Variants in DLG1 observed in about 807,000 individuals in gnomAD.
The protein encoded by DLG1 is discs large MAGUK scaffold protein 1.
Under a neutral mutation model 123.4 loss-of-function variants are expected in DLG1, and 42 were observed. The observed-to-expected ratio is 0.34, with a 90% CI of 0.27 to 0.44. DLG1 has a LOEUF of 0.44. Ranked by LOEUF, DLG1 falls within the 20% of genes least tolerant of loss-of-function variation. DLG1 has a pLI of 1.00. For missense variants in DLG1, 942 were observed against 1,082.6 expected (o/e 0.87, Z 1.82); for synonymous variants, 317 against 356.2 (o/e 0.89, Z 1.24).
At chr3:197,053,879 G>A (rs1729731391) in intron 23 of DLG1, among the ~76,000 whole-genome samples, 1 of 151,856 alleles carries the variant, frequency 6.6e-6, no homozygotes, top group Non-Finnish European at 1.5e-5. Flanking sequence ...GATCACTTGA[G>A]CTCAGAGTTC....
intron 5 of DLG1, among the ~76,000 whole-genome samples, chr3:197,164,670 G>C (rs1221470351): frequency 2.0e-5 from 3 of 151,386 alleles, no homozygotes; most frequent in African/African-American, 7.3e-5. Flanking sequence ...CGGAGGACGC[G>C]GCAGGCAGAT....
chr3:197,274,853 T>C (rs532259859), intron 4 of DLG1, among the ~76,000 whole-genome samples: 4 of 152,150 alleles, frequency 2.6e-5, no homozygotes, highest in Non-Finnish European at 5.9e-5. Context: ...TATGAAAAAA[T>C]GTTCAACATT....
intron 4 of DLG1, among the ~76,000 whole-genome samples, chr3:197,276,479 C>A (rs1258694531): frequency 6.6e-6 from 1 of 152,186 alleles, no homozygotes; most frequent in Admixed American, 6.5e-5. Flanking sequence ...TCCTTGCTGT[C>A]AATGTAATTT....
At chr3:197,261,886 T>C (rs1759599135) in intron 4 of DLG1, among the ~76,000 whole-genome samples, 1 of 152,200 alleles carries the variant, frequency 6.6e-6, no homozygotes, top group Non-Finnish European at 1.5e-5. Flanking sequence ...TTAAATAATA[T>C]ACACAGGGCA....
chr3:197,085,256 T>C (rs771159206), intron 16 of DLG1: 12 of 259,684 alleles, frequency 4.6e-5, no homozygotes, highest in Non-Finnish European at 7.5e-5. Flanking sequence ...TCTTAACAAA[T>C]TTCAAGTACA....
At chr3:197,099,324 C>T (rs772688761) in intron 14 of DLG1, among the ~76,000 whole-genome samples, 8 of 152,206 alleles carry the variant, frequency 5.3e-5, no homozygotes, top group Non-Finnish European at 8.8e-5. Flanking sequence ...CTCAGCCTCC[C>T]GAAGTGCTAA....
intron 4 of DLG1, among the ~76,000 whole-genome samples, chr3:197,240,094 G>A (rs1294210010): frequency 6.6e-6 from 1 of 152,140 alleles, no homozygotes; most frequent in Non-Finnish European, 1.5e-5. Context: ...AAATATCCCT[G>A]CGGATAGGCA....
intron 5 of DLG1, among the ~76,000 whole-genome samples, chr3:197,188,769 T>C (rs1393800324): frequency 1.3e-5 from 2 of 152,248 alleles, no homozygotes; most frequent in African/African-American, 4.8e-5. Flanking sequence ...CTTGACACTG[T>C]ATTTTAAATA....
intron 17 of DLG1, among the ~76,000 whole-genome samples, chr3:197,077,786 C>T (rs1282006597): frequency 6.6e-6 from 1 of 152,120 alleles, no homozygotes; most frequent in East Asian, 1.9e-4. Context: ...TTTGTCATTT[C>T]TCTGTCATAG....
intron 5 of DLG1, among the ~76,000 whole-genome samples, chr3:197,171,266 G>T (rs1346449859): frequency 1.3e-5 from 2 of 152,052 alleles, no homozygotes; most frequent in African/African-American, 4.8e-5. Flanking sequence ...ACTCAACGGG[G>T]GCCCAGTACC....
chr3:197,226,695 A>T (rs1346564201), intron 4 of DLG1, among the ~76,000 whole-genome samples: 6 of 152,244 alleles, frequency 3.9e-5, no homozygotes, highest in African/African-American at 7.2e-5. Context: ...TTTCTAATAC[A>T]TCAAAATCAC....
At chr3:197,154,969 A>G (rs1201369782) in intron 5 of DLG1, among the ~76,000 whole-genome samples, 1 of 152,198 alleles carries the variant, frequency 6.6e-6, no homozygotes, top group Admixed American at 6.5e-5. Context: ...CAACTAATGC[A>G]TTGTGGGAGT....
At chr3:197,184,075 T>C in intron 5 of DLG1, 2 of 1,223,680 alleles carry the variant, frequency 1.6e-6, no homozygotes, top group Non-Finnish European at 2.0e-6. Flanking sequence ...TTCTTTCTCA[T>C]GATTATTTTT....
At chr3:197,158,461 TAAA>T (rs10573278) in intron 5 of DLG1, among the ~76,000 whole-genome samples, 154 of 118,722 alleles carry the variant, frequency 1.3e-3, no homozygotes, top group Middle Eastern at 8.2e-3. Context: ...CGTCTCTACT[TAAA>T]AAAAAAAAAA....
intron 14 of DLG1, among the ~76,000 whole-genome samples, chr3:197,092,043 C>A (rs1032420549): frequency 6.6e-6 from 1 of 152,008 alleles, no homozygotes; most frequent in Admixed American, 6.5e-5. Context: ...TTTTACTATC[C>A]TTTCAAAATT....
chr3:197,149,076 T>C lies in DLG1; in HGVS notation c.537+667A>G, dbSNP rs147516424. ...GTTGAGATATTCACATATCATAAAA[T>C]CTACCTTTTTAAAGTATGCAATTCA... On this transcript the variant is annotated intron_variant, in intron 6 of 24. Transcript: ENST00000667157. 5.2e-3 allele frequency among the ~76,000 whole-genome samples: 796 copies of C among 152,326 alleles called. 6 individuals are homozygous for C. The highest frequency in any genetic ancestry group is 0.017 in the African/African-American group (708 of 41,574).
At chr3:197,282,295 A>T (rs933072532) in intron 4 of DLG1, among the ~76,000 whole-genome samples, 1 of 152,242 alleles carries the variant, frequency 6.6e-6, no homozygotes, top group African/African-American at 2.4e-5. Flanking sequence ...AATGGGTACA[A>T]CTTAGCAGCC....
chr3:197,066,139 A>G (rs1209627863), intron 20 of DLG1, among the ~76,000 whole-genome samples: 1 of 152,220 alleles, frequency 6.6e-6, no homozygotes, highest in African/African-American at 2.4e-5. Context: ...AATTGTAAGG[A>G]AGCAGAGCAA....
At chr3:197,178,054 A>G (rs1054835457) in intron 5 of DLG1, among the ~76,000 whole-genome samples, 4 of 152,168 alleles carry the variant, frequency 2.6e-5, no homozygotes, top group Non-Finnish European at 5.9e-5. Flanking sequence ...AACAATAAAC[A>G]TAACAGAAAA....
Sources: allele counts gnomAD v4.1 joint callset (sites outside exome capture counted in the v4.1 genomes callset), GRCh38; gene constraint gnomAD v4.1.1; transcripts MANE v1.5; gene names NCBI Gene and HGNC (gene_info 2026-07-23, HGNC 2026-07-21).